The following PTPN2 variants were observed in gnomAD, a reference collection of about 807,000 sequenced individuals.
PTPN2 encodes protein tyrosine phosphatase non-receptor type 2.
Under a neutral mutation model 57.3 loss-of-function variants are expected in PTPN2, and 19 were observed. That is an observed-to-expected ratio of 0.33 (90% confidence interval 0.23 to 0.49). The LOEUF (loss-of-function observed/expected upper bound fraction) is 0.49. Ranked by LOEUF, PTPN2 falls within the 20% of genes least tolerant of loss-of-function variation. The pLI, the probability that PTPN2 is intolerant of heterozygous loss-of-function variation, is 0.99. For missense variants in PTPN2, 358 were observed against 501.1 expected (o/e 0.71, Z 2.73); for synonymous variants, 153 against 164.9 (o/e 0.93, Z 0.55).
intron 2 of PTPN2, among the ~76,000 whole-genome samples, chr18:12,854,161 C>G (rs1307556348): frequency 6.6e-6 from 1 of 151,884 alleles, no homozygotes; most frequent in African/African-American, 2.4e-5. Context: ...GAGTTTGAGA[C>G]CAGCCTGGGC....
intron 8 of PTPN2, among the ~76,000 whole-genome samples, chr18:12,794,716 C>T (rs370752336): frequency 2.6e-5 from 4 of 152,206 alleles, no homozygotes; most frequent in South Asian, 2.1e-4. Context: ...CTGCCTCCCA[C>T]GCTCAAGTGA....
chr18:12,818,475 T>G (rs1170662261), intron 5 of PTPN2, among the ~76,000 whole-genome samples: 1 of 152,234 alleles, frequency 6.6e-6, no homozygotes, highest in Non-Finnish European at 1.5e-5. Context: ...GTATTCACTA[T>G]CGCTTCCTGG....
intron 9 of PTPN2, chr18:12,786,518 AAC>A (rs745662342): frequency 1.3e-5 from 2 of 152,220 alleles, no homozygotes; most frequent in Non-Finnish European, 2.9e-5. Flanking sequence ...TCAAATAAGC[AAC>A]AGATGGATGG....
intron 1 of PTPN2, among the ~76,000 whole-genome samples, chr18:12,868,292 T>G (rs2044063453): frequency 6.6e-6 from 1 of 152,082 alleles, no homozygotes; most frequent in Admixed American, 6.5e-5. Flanking sequence ...CTGGACTGAC[T>G]GGAGAGACTG....
intron 2 of PTPN2, among the ~76,000 whole-genome samples, chr18:12,844,273 A>G (rs2043144333): frequency 6.6e-6 from 1 of 152,246 alleles, no homozygotes; most frequent in African/African-American, 2.4e-5. Context: ...GGACATTATG[A>G]CTGCATTTCT....
rs73404451 is a variant in PTPN2, at chr18:12,828,266, A to G, written c.361-2322T>C. Among the ~76,000 whole-genome samples the G allele has an allele frequency of 7.1e-3, 1,087 of 152,352 alleles. 19 individuals carry two copies. Among genetic ancestry groups the G allele is most frequent in the African/African-American group, 0.025 (1,057 of 41,574 alleles). ...CACAAGTCCCTCCTTAGGAGCCACT[A>G]GAGAATGAGCTTTAGTCAGAATGAC... is the stretch of plus-strand genomic sequence containing the variant. On this transcript the variant is annotated intron_variant, in intron 4 of 8. Transcript: ENST00000309660.
intron 5 of PTPN2, 32 bp from the exon 6 acceptor site, chr18:12,817,397 TCTAA>T: frequency 3.9e-6 from 6 of 1,547,814 alleles, no homozygotes; most frequent in Non-Finnish European, 5.3e-6. Context: ...AGAAGTTAGT[TCTAA>T]CTTTTTTCTT....
intron 5 of PTPN2, among the ~76,000 whole-genome samples, chr18:12,820,712 G>T (rs558269243): frequency 2.8e-4 from 43 of 152,020 alleles, no homozygotes; most frequent in African/African-American, 9.9e-4. Context: ...CTACACACAC[G>T]CGGGTTGCAC....
At chr18:12,826,129 G>T (rs150900546) in intron 4 of PTPN2, among the ~76,000 whole-genome samples, 185 bp from the exon 5 acceptor site, 1 of 152,184 alleles carries the variant, frequency 6.6e-6, no homozygotes, top group Admixed American at 6.5e-5. Flanking sequence ...ATAGCCGGGC[G>T]CGGTGACTCA....
At chr18:12,880,433 A>T (rs927415008) in intron 1 of PTPN2, 1 of 152,232 alleles carries the variant, frequency 6.6e-6, no homozygotes. Flanking sequence ...ACCTCTCCCC[A>T]CTTCTTCAAG....
At chr18:12,814,616 T>C (rs2042003854) in intron 6 of PTPN2, among the ~76,000 whole-genome samples, 1 of 152,170 alleles carries the variant, frequency 6.6e-6, no homozygotes, top group Non-Finnish European at 1.5e-5. Flanking sequence ...ATCATAGTAA[T>C]CTCATTCCTT....
chr18:12,840,703 T>C, intron 2 of PTPN2: 1 of 1,598,180 alleles, frequency 6.3e-7, no homozygotes, highest in Non-Finnish European at 8.5e-7. Flanking sequence ...TTGTGCAATT[T>C]AAGAGATTAC....
At chr18:12,870,452 T>C (rs1259436861) in intron 1 of PTPN2, among the ~76,000 whole-genome samples, 5 of 41,216 alleles carry the variant, frequency 1.2e-4, no homozygotes, top group Non-Finnish European at 1.2e-4. Flanking sequence ...TATATATATA[T>C]ATATATATAT....
At chr18:12,876,607 T>C (rs2044500837) in intron 1 of PTPN2, among the ~76,000 whole-genome samples, 1 of 152,218 alleles carries the variant, frequency 6.6e-6, no homozygotes, top group Non-Finnish European at 1.5e-5. Context: ...CAAAACAATA[T>C]GATTTCTAGG....
chr18:12,862,310 C>T (rs2043840116), intron 1 of PTPN2: 1 of 152,206 alleles, frequency 6.6e-6, no homozygotes, highest in Non-Finnish European at 1.5e-5. Context: ...AGGCATGCGC[C>T]ACCATGCCTG....
chr18:12,880,425 CTCTCCCCACTTCT>C (rs1316120960), intron 1 of PTPN2: 2 of 152,220 alleles, frequency 1.3e-5, no homozygotes, highest in East Asian at 3.9e-4. Flanking sequence ...TTTTAGCTAC[CTCTCCCCACTTCT>C]TCAAGTTGGG....
At chr18:12,809,926 A>C (rs1038673327) in intron 7 of PTPN2, among the ~76,000 whole-genome samples, 7 of 152,214 alleles carry the variant, frequency 4.6e-5, no homozygotes, top group African/African-American at 1.7e-4. Flanking sequence ...TCATGCCTGT[A>C]ATCTCAGCAC....
At chr18:12,863,790 G>A (rs570520361) in intron 1 of PTPN2, 1 of 152,144 alleles carries the variant, frequency 6.6e-6, no homozygotes, top group African/African-American at 2.4e-5. Context: ...AAATGGCAAG[G>A]ATCTTTGCTT....
chr18:12,857,744 G>A (rs1224675873), intron 2 of PTPN2, among the ~76,000 whole-genome samples: 1 of 152,154 alleles, frequency 6.6e-6, no homozygotes, highest in Non-Finnish European at 1.5e-5. Flanking sequence ...TGAGCCACCT[G>A]TTTCAGAGGA....
Sources: allele counts gnomAD v4.1 joint callset (sites outside exome capture counted in the v4.1 genomes callset), GRCh38; gene constraint gnomAD v4.1.1; transcripts MANE v1.5; gene names NCBI Gene and HGNC (gene_info 2026-07-23, HGNC 2026-07-21).